The following MCOLN3 variants were observed in gnomAD, a reference collection of about 807,000 sequenced individuals.
MCOLN3 encodes mucolipin-3.
Under a neutral mutation model 69.4 loss-of-function variants are expected in MCOLN3, and 62 were observed. The observed-to-expected ratio is 0.89, with a 90% CI of 0.73 to 1.10. The LOEUF (loss-of-function observed/expected upper bound fraction) is 1.10. Ranked by LOEUF, MCOLN3 falls within the 50% of genes least tolerant of loss-of-function variation. MCOLN3 has a pLI of 0.00. For synonymous variants in MCOLN3, 183 were observed against 217.0 expected (o/e 0.84, Z 1.38); for missense variants, 564 against 656.4 (o/e 0.86, Z 1.54).
At chr1:85,021,847 T>C (rs935068291) in intron 11 of MCOLN3, among the ~76,000 whole-genome samples, 11 of 152,196 alleles carry the variant, frequency 7.2e-5, no homozygotes, top group African/African-American at 2.7e-4. Flanking sequence ...GGGACTTAAT[T>C]ACCTGATATA....
In MCOLN3 at chr1:85,020,921, T is replaced by C. The variant is rs1651895014; in HGVS notation, c.1527+149A>G. ...CATTCAATTTTTCCACTAGTTCTAT[T>C]TATCAATTTCTAAAAATAAGGTCCT... On this transcript the variant is annotated intron_variant, in intron 12 of 12. Transcript: ENST00000370589. The C allele has an allele frequency of 1.5e-5, 8 of 543,102 alleles. No homozygotes were observed. The South Asian group carries it at 2.5e-4, about 17-fold the overall frequency. 33.6% of individuals were successfully genotyped at this position (543,102 alleles called of 1,614,324 possible). A position where few individuals can be genotyped will look rare whatever the true frequency, so the allele number is the denominator to read the frequency against.
chr1:85,040,908 T>C (rs1389375634), intron 3 of MCOLN3, 102 bp downstream of exon 3: 2 of 1,091,460 alleles, frequency 1.8e-6, no homozygotes, highest in Non-Finnish European at 2.6e-6. Context: ...AGCAGAAATG[T>C]TCACCCTTCT....
chr1:85,035,017 A>G (rs1652737570), intron 3 of MCOLN3, among the ~76,000 whole-genome samples: 1 of 152,218 alleles, frequency 6.6e-6, no homozygotes, highest in Non-Finnish European at 1.5e-5. Context: ...TGAATAAAAT[A>G]ATTTCTAATA....
Position 85,034,100 on chromosome 1 carries a change from G to C in MCOLN3, c.548C>G (p.Thr183Ser). 1 of 1,614,154 alleles carries C rather than the reference G, an allele frequency of 6.2e-7. No homozygotes were observed. The highest frequency in any genetic ancestry group is 8.5e-7 in the Non-Finnish European group (1 of 1,180,014). ...DTFDIDPEIE[T>S]ECFFVEPDEP... ...TCTAGGTTATAGAAGAACATCACCA[G>C]TTTCAATTTCTGGATCGATGTCAAA... The change falls in exon 4 of 13, where the codon ACT becomes AGT. Residue 183 changes from threonine (T) to serine (S), a missense_variant and splice_region_variant. Transcript: ENST00000370589.
At position 85,022,300 on chromosome 1, in the gene MCOLN3, T is replaced by C; in HGVS notation, c.1196A>G (p.Asn399Ser). ...ATGGAGATCCGTGGAATTCCTTACG[T>C]TGTACTTTGCAAAGAAACCGAGGTA... ...IRYLGFFAKY[N>S]LLILTLQAAL... Residue 399 changes from asparagine (N) to serine (S), a missense_variant and splice_region_variant, in exon 10 of 13, where the codon AAC (asparagine) becomes AGC (serine). By Grantham distance (46) the Asn-to-Ser change is conservative. Transcript: ENST00000370589. 1 of 1,613,890 alleles carries C rather than the reference T, an allele frequency of 6.2e-7. No homozygotes were observed. The highest frequency in any genetic ancestry group is 8.5e-7 in the Non-Finnish European group (1 of 1,179,824).
rs147505457 is a variant in MCOLN3 at position 85,032,084 on chromosome 1, AAGAG to A, written c.732+608_732+611del. Among the ~76,000 whole-genome samples, 49 of 148,974 alleles carry A rather than the reference AAGAG, an allele frequency of 3.3e-4. 1 individual carries two copies. Among genetic ancestry groups the A allele is most frequent in the Admixed American group, 1.5e-3 (23 of 15,046 alleles). ...GAGCGAGACTCTGTCTCAAAAAAAG[AAGAG>A]AGAGAGAGAGAGAGAGATTAATAAC... is the stretch of plus-strand genomic sequence containing the variant. On this transcript the variant is annotated intron_variant, in intron 6 of 12. Coordinates refer to ENST00000370589, the MANE Select transcript of MCOLN3 (RefSeq NM_018298.11).
chr1:85,034,198 A>G lies in MCOLN3; in HGVS notation c.450T>C (p.Gly150=). The G allele has an allele frequency of 6.2e-7, 1 of 1,614,144 alleles. No individual in the cohort carries two copies. Residue 150 remains glycine (G), a synonymous_variant, in exon 4 of 13, where the codon GGT becomes GGC. Transcript: ENST00000370589. ...SVGNHAYENK[G]TKQSAMAICQ... ...AGATTGCCATAGCAGATTGCTTGGT[A>G]CCTTTGTTCTCATAAGCATGATTCC...
chr1:85,025,740 T>C, intron 9 of MCOLN3, 199 bp downstream of exon 9: 1 of 549,444 alleles, frequency 1.8e-6, no homozygotes, highest in Non-Finnish European at 3.2e-6. Flanking sequence ...ATGCAATGGT[T>C]TGTGGATCAC....
At position 85,032,686 on chromosome 1, in the gene MCOLN3, C is replaced by T; in HGVS notation, c.732+10G>A. ...AGACTGGAACCAAATTCAGCCTGGC[C>T]CACACTTACAGTCAGAGTAAAGTCA... On this transcript the variant is annotated intron_variant, in intron 6 of 12. Transcript: ENST00000370589. 1 of 1,597,224 alleles carries T rather than the reference C, an allele frequency of 6.3e-7. No homozygotes were observed. Among genetic ancestry groups the T allele is most frequent in the Non-Finnish European group, 8.6e-7 (1 of 1,165,316 alleles).
intron 9 of MCOLN3, among the ~76,000 whole-genome samples, chr1:85,024,173 T>C (rs1334083483): frequency 6.8e-6 from 1 of 146,588 alleles, no homozygotes; most frequent in East Asian, 2.0e-4. Flanking sequence ...AAAAAACAGG[T>C]GGGGGAGGGG....
intron 3 of MCOLN3, among the ~76,000 whole-genome samples, chr1:85,035,517 A>C (rs1055422682): frequency 6.6e-6 from 1 of 152,200 alleles, no homozygotes; most frequent in African/African-American, 2.4e-5. Flanking sequence ...ATTATTCTGT[A>C]AGTCAGTCAG....
intron 9 of MCOLN3, chr1:85,024,579 G>T (rs1219452213): frequency 2.0e-5 from 3 of 152,066 alleles, no homozygotes; most frequent in African/African-American, 7.2e-5. Flanking sequence ...AGGAAGTAAG[G>T]TCATCAGCTT....
At chr1:85,040,410 A>G (rs1201332831) in intron 3 of MCOLN3, among the ~76,000 whole-genome samples, 1 of 152,206 alleles carries the variant, frequency 6.6e-6, no homozygotes, top group East Asian at 1.9e-4. Flanking sequence ...AATGACACCT[A>G]GAGATTTAAA....
At chr1:85,041,564 A>G (rs1353034301) in intron 2 of MCOLN3, among the ~76,000 whole-genome samples, 1 of 152,174 alleles carries the variant, frequency 6.6e-6, no homozygotes, top group Admixed American at 6.5e-5. Context: ...AGGCCTTTCA[A>G]TTATACCTAA....
intron 12 of MCOLN3, 55 bp from the exon 13 acceptor site, chr1:85,019,312 C>T: frequency 6.4e-7 from 1 of 1,551,616 alleles, no homozygotes; most frequent in South Asian, 1.2e-5. Flanking sequence ...AAAACAGCTT[C>T]ATTCCAAATT....
chr1:85,046,578 G>T (rs954069196), intron 1 of MCOLN3, among the ~76,000 whole-genome samples: 9 of 152,172 alleles, frequency 5.9e-5, no homozygotes, highest in Admixed American at 5.2e-4. Context: ...AAGGAAAATT[G>T]TAACCTGCAT....
chr1:85,045,317 T>C lies in MCOLN3; in HGVS notation c.44A>G (p.Glu15Gly). 1 of 1,614,088 alleles carries C rather than the reference T, an allele frequency of 6.2e-7. No individual in the cohort carries two copies. Among genetic ancestry groups the C allele is most frequent in the East Asian group, 2.2e-5 (1 of 44,868 alleles). The change falls in exon 2 of 13, where the codon GAA (glutamate) becomes GGA (glycine). Residue 15 changes from glutamate to glycine, a missense_variant. Physicochemically the swap from Glu to Gly is moderately conservative, Grantham distance 98 (BLOSUM62 -2). Coordinates refer to ENST00000370589, the MANE Select transcript of MCOLN3 (RefSeq NM_018298.11). ...EVVVSSCSSH[E>G]EENRCNFNQQ... is the part of the protein sequence containing the mutation. ...GTTAAAATTGCAGCGATTTTCCTCT[T>C]CATGAGAGCTGCAGCTACTCACAAC...
At chr1:85,042,266 T>A (rs1031841658) in intron 2 of MCOLN3, among the ~76,000 whole-genome samples, 6 of 152,196 alleles carry the variant, frequency 3.9e-5, no homozygotes, top group Admixed American at 3.9e-4. Context: ...CTGAAACCCA[T>A]GTCTGACACA....
chr1:85,044,966 T>C (rs896529038), intron 2 of MCOLN3, among the ~76,000 whole-genome samples, 167 bp downstream of exon 2: 1 of 152,144 alleles, frequency 6.6e-6, no homozygotes, highest in Non-Finnish European at 1.5e-5. Flanking sequence ...AGACAAACTC[T>C]TTCACAAATG....
Sources: gnomAD v4.1 joint callset for allele counts (sites outside exome capture counted in the v4.1 genomes callset) on GRCh38, gnomAD v4.1.1 for gene constraint, MANE v1.5 for transcripts, NCBI Gene and HGNC (gene_info 2026-07-23, HGNC 2026-07-21) for gene names.